The following CCSER1 variants were observed in gnomAD, a reference collection of about 807,000 sequenced individuals.
CCSER1 encodes the protein coiled-coil serine rich protein 1.
CCSER1 carries 41 observed loss-of-function variants against 82.0 expected under a neutral mutation model. The observed-to-expected ratio is 0.50, with a 90% CI of 0.39 to 0.65. The LOEUF (loss-of-function observed/expected upper bound fraction) is 0.65. CCSER1 is among the 30% of genes least tolerant of loss of function. CCSER1 has a pLI of 0.00. For synonymous variants in CCSER1, 414 were observed against 383.9 expected, an observed-to-expected ratio of 1.08 and a Z score of -0.92; for missense variants, 1,119 against 1,064.2, an observed-to-expected ratio of 1.05 and a Z score of -0.72.
intron 8 of CCSER1, among the ~76,000 whole-genome samples, chr4:90,875,123 C>A (rs1308709919): frequency 3.3e-5 from 5 of 152,114 alleles, no homozygotes; most frequent in African/African-American, 1.2e-4. Flanking sequence ...CTTTATTTCT[C>A]TCTCTAGTAT....
intron 5 of CCSER1, among the ~76,000 whole-genome samples, chr4:90,519,113 A>C (rs1772714314): frequency 6.6e-6 from 1 of 151,580 alleles, no homozygotes; most frequent in African/African-American, 2.4e-5. Context: ...TTTTTTTTGG[A>C]TTGTAGTTTA....
intron 3 of CCSER1, among the ~76,000 whole-genome samples, chr4:90,393,933 A>G (rs1751586240): frequency 1.3e-5 from 2 of 150,112 alleles, no homozygotes; most frequent in Non-Finnish European, 3.0e-5. Context: ...ATGCACCACC[A>G]TACTTGGCTA....
At chr4:91,092,488 C>A (rs62312177) in intron 10 of CCSER1, among the ~76,000 whole-genome samples, 1 of 152,084 alleles carries the variant, frequency 6.6e-6, no homozygotes, top group Admixed American at 6.6e-5. Flanking sequence ...GCTTGTATGC[C>A]AGGAGGAACA....
At chr4:90,332,906 C>G (rs1739587106) in intron 3 of CCSER1, among the ~76,000 whole-genome samples, 2 of 152,148 alleles carry the variant, frequency 1.3e-5, no homozygotes, top group African/African-American at 4.8e-5. Context: ...AAAACAAAAT[C>G]TAGGCTCCAA....
chr4:91,534,148 T>C (rs1761178426), intron 10 of CCSER1, among the ~76,000 whole-genome samples: 1 of 152,078 alleles, frequency 6.6e-6, no homozygotes, highest in South Asian at 2.1e-4. Context: ...TTATAACTTA[T>C]TTAAATTTGA....
At position 90,385,427 on chromosome 4, in the gene CCSER1, G is replaced by A. The variant is rs142103313; in HGVS notation, c.1510-14609G>A. ...GTTTTTTGACTTTTTAGTAATGACC[G>A]TTCTGACTAGGGAAAGATGGTGTCT... is the stretch of plus-strand genomic sequence containing the variant. On this transcript the variant is annotated intron_variant, in intron 3 of 10. Coordinates refer to ENST00000509176, the MANE Select transcript of CCSER1 (RefSeq NM_001145065.2). Among the ~76,000 whole-genome samples the A allele has an allele frequency of 3.9e-4, 52 of 133,800 alleles. No individual in the cohort carries two copies. The East Asian group carries it at 9.2e-3, about 24-fold the overall frequency. 87.8% of individuals were successfully genotyped at this position (133,800 alleles called of 152,430 possible). A position where few individuals can be genotyped will look rare whatever the true frequency, so the allele number is the denominator to read the frequency against.
rs1280763696 is a variant in CCSER1 at position 90,497,333 on chromosome 4, CTGTT to C, written c.1724+28983_1724+28986del. 3.3e-5 allele frequency among the ~76,000 whole-genome samples: 5 copies of C among 152,154 alleles called. No individual in the cohort carries two copies. The South Asian group carries it at 1.0e-3, about 32-fold the overall frequency. On this transcript the variant is annotated intron_variant, in intron 5 of 10. Transcript: ENST00000509176. ...AACATGGTACTATACAAAAAGAAGC[CTGTT>C]TGTATTTACCTGTTAGATAATTCCT...
intron 10 of CCSER1, among the ~76,000 whole-genome samples, chr4:91,495,362 G>T: frequency 6.6e-6 from 1 of 151,356 alleles, no homozygotes. Flanking sequence ...CTCTGTTTTG[G>T]TTCAGATATT....
At chr4:90,548,689 T>C (rs564918404) in intron 5 of CCSER1, among the ~76,000 whole-genome samples, 2 of 151,252 alleles carry the variant, frequency 1.3e-5, no homozygotes, top group Non-Finnish European at 1.5e-5. Flanking sequence ...GAAAAGTTAG[T>C]TACAATAACA....
At chr4:91,480,540 C>A (rs1757853754) in intron 10 of CCSER1, among the ~76,000 whole-genome samples, 1 of 152,188 alleles carries the variant, frequency 6.6e-6, no homozygotes, top group African/African-American at 2.4e-5. Context: ...TTGAGATTGA[C>A]ACCAATCTTT....
chr4:90,608,271 G>A (rs572716678), intron 5 of CCSER1, among the ~76,000 whole-genome samples: 3 of 152,080 alleles, frequency 2.0e-5, no homozygotes, highest in South Asian at 2.1e-4. Flanking sequence ...TCTGAGGTTC[G>A]TCACCCAAAC....
chr4:90,257,099 T>C (rs895187307), intron 1 of CCSER1, among the ~76,000 whole-genome samples: 1 of 151,910 alleles, frequency 6.6e-6, no homozygotes. Context: ...TTATGGAAAA[T>C]AGTGGTGGTC....
chr4:91,439,136 C>T (rs13137974), intron 10 of CCSER1, among the ~76,000 whole-genome samples: 1 of 152,076 alleles, frequency 6.6e-6, no homozygotes, highest in Non-Finnish European at 1.5e-5. Context: ...GAGAACGCCA[C>T]AAAGATACTC....
At chr4:90,550,402 T>C (rs1399107642) in intron 5 of CCSER1, among the ~76,000 whole-genome samples, 1 of 152,170 alleles carries the variant, frequency 6.6e-6, no homozygotes, top group Non-Finnish European at 1.5e-5. Context: ...ATCCTATTAG[T>C]TCCTGTTTTG....
chr4:90,379,990 AACTC>A (rs1748965154), intron 3 of CCSER1, among the ~76,000 whole-genome samples: 1 of 152,118 alleles, frequency 6.6e-6, no homozygotes, highest in Admixed American at 6.6e-5. Flanking sequence ...ATCTCAGGAG[AACTC>A]ACTCACTTTC....
chr4:91,446,816 T>A (rs1755594893), intron 10 of CCSER1, among the ~76,000 whole-genome samples: 2 of 151,774 alleles, frequency 1.3e-5, no homozygotes, highest in African/African-American at 4.8e-5. Context: ...ATATTTAGGT[T>A]ATTTCAGCTT....
intron 10 of CCSER1, among the ~76,000 whole-genome samples, chr4:91,569,618 A>G (rs1277542433): frequency 6.6e-6 from 1 of 152,154 alleles, no homozygotes; most frequent in Non-Finnish European, 1.5e-5. Context: ...CCAGATGCTT[A>G]TAAAATCATC....
intron 6 of CCSER1, among the ~76,000 whole-genome samples, chr4:90,692,756 A>T (rs190053110): frequency 6.6e-6 from 1 of 151,966 alleles, no homozygotes; most frequent in Non-Finnish European, 1.5e-5. Context: ...TACGTCAACC[A>T]TAAATTACAA....
At chr4:90,502,292 A>C (rs1306000029) in intron 5 of CCSER1, among the ~76,000 whole-genome samples, 1 of 152,124 alleles carries the variant, frequency 6.6e-6, no homozygotes, top group Non-Finnish European at 1.5e-5. Context: ...GCAGCAGGAG[A>C]GAGAGAAAGA....
Sources: gnomAD v4.1 joint callset for allele counts (sites outside exome capture counted in the v4.1 genomes callset) on GRCh38, gnomAD v4.1.1 for gene constraint, MANE v1.5 for transcripts, NCBI Gene and HGNC (gene_info 2026-07-23, HGNC 2026-07-21) for gene names.